CNTN6: variants seen among roughly 807,000 people sequenced by gnomAD.
CNTN6 encodes contactin-6.
A neutral mutation model predicts 122.8 loss-of-function variants in CNTN6; 137 were observed. The observed-to-expected ratio is 1.12, with a 90% CI of 0.97 to 1.29. CNTN6 has a LOEUF of 1.29. CNTN6 is among the 50% of genes most tolerant of loss of function. The pLI is 0.00. For missense variants in CNTN6, 1,634 were observed against 1,223.4 expected, an observed-to-expected ratio of 1.34 and a Z score of -5.01; for synonymous variants, 570 against 426.0, an observed-to-expected ratio of 1.34 and a Z score of -4.16.
rs570500969 is a variant in CNTN6, at chr3:1,272,413, A to T, written c.359-6000A>T. On this transcript the variant is annotated intron_variant, in intron 4 of 22. Transcript: ENST00000446702. ...GATTACAGGTGGTTCTGAGGATTCA[A>T]TGAGTGTACTTATCAGAGCATCTGA... Among the ~76,000 whole-genome samples the T allele has an allele frequency of 6.5e-4, 99 of 152,346 alleles. 1 individual carries two copies. Among genetic ancestry groups the T allele is most frequent in the African/African-American group, 2.2e-3 (92 of 41,570 alleles).
chr3:1,311,606 CAG>C (rs1163540466), intron 7 of CNTN6, among the ~76,000 whole-genome samples: 5 of 149,014 alleles, frequency 3.4e-5, no homozygotes, highest in African/African-American at 2.4e-5. Flanking sequence ...TTGAAAAAGT[CAG>C]ATATACTCAT....
chr3:1,306,550 G>A (rs1292475398), intron 7 of CNTN6, among the ~76,000 whole-genome samples: 1 of 152,150 alleles, frequency 6.6e-6, no homozygotes, highest in Non-Finnish European at 1.5e-5. Context: ...TGGACTTTAA[G>A]TTCAAATAGA....
intron 12 of CNTN6, among the ~76,000 whole-genome samples, chr3:1,367,512 T>G (rs1708406267): frequency 6.6e-6 from 1 of 151,868 alleles, no homozygotes; most frequent in East Asian, 2.0e-4. Flanking sequence ...ATTTTACCTC[T>G]CAATTTGTGT....
intron 4 of CNTN6, among the ~76,000 whole-genome samples, chr3:1,242,935 A>G (rs985521216): frequency 4.6e-5 from 7 of 152,156 alleles, no homozygotes; most frequent in African/African-American, 1.7e-4. Flanking sequence ...GCCCTTGAAA[A>G]GAAGGTAATG....
intron 5 of CNTN6, among the ~76,000 whole-genome samples, chr3:1,283,732 G>C (rs1693867544): frequency 6.6e-6 from 1 of 152,154 alleles, no homozygotes; most frequent in Admixed American, 6.6e-5. Flanking sequence ...GGGCTCAGTG[G>C]CTCACACCTG....
chr3:1,148,177 A>C (rs1303008806), intron 2 of CNTN6, 114 bp downstream of exon 2: 7 of 773,582 alleles, frequency 9.0e-6, no homozygotes, highest in Non-Finnish European at 1.5e-5. Flanking sequence ...TGAATGACTA[A>C]GTGATAATGT....
At chr3:1,157,747 C>G (rs191163736) in intron 2 of CNTN6, among the ~76,000 whole-genome samples, 1 of 151,902 alleles carries the variant, frequency 6.6e-6, no homozygotes, top group Non-Finnish European at 1.5e-5. Context: ...TAAGTGAGAA[C>G]ATGTGAAGTT....
In CNTN6 at chr3:1,198,425, A is replaced by G. The variant is rs1480783425; in HGVS notation, c.56-22262A>G. ...CAACATGTGTTACCACACAAATTGC[A>G]TTTTGAAAAAATGCTGGCCAGGCAC... is the stretch of plus-strand genomic sequence containing the variant. On this transcript the variant is annotated intron_variant, in intron 2 of 22. Coordinates refer to ENST00000446702, the MANE Select transcript of CNTN6 (RefSeq NM_001289080.2). 9.8e-4 allele frequency among the ~76,000 whole-genome samples: 149 copies of G among 152,164 alleles called. 1 individual carries two copies. The highest frequency in any genetic ancestry group is 1.5e-4 in the Non-Finnish European group (10 of 68,018).
At chr3:1,360,386 G>A (rs971391677) in intron 12 of CNTN6, among the ~76,000 whole-genome samples, 30 of 152,012 alleles carry the variant, frequency 2.0e-4, no homozygotes, top group African/African-American at 6.0e-4. Context: ...AGGCTTTGTC[G>A]CTGTAGAAAC....
chr3:1,131,995 C>G (rs1052766326), intron 1 of CNTN6, among the ~76,000 whole-genome samples: 7 of 151,966 alleles, frequency 4.6e-5, no homozygotes, highest in African/African-American at 1.7e-4. Flanking sequence ...GCCAGGACAT[C>G]AGGGAGTTTA....
intron 20 of CNTN6, among the ~76,000 whole-genome samples, chr3:1,399,576 G>C (rs986023272): frequency 6.6e-6 from 1 of 151,998 alleles, no homozygotes; most frequent in Non-Finnish European, 1.5e-5. Flanking sequence ...GTCTGACCAC[G>C]GCAATTGGTC....
At chr3:1,320,349 GATA>G (rs1299080985) in intron 7 of CNTN6, among the ~76,000 whole-genome samples, 1 of 151,598 alleles carries the variant, frequency 6.6e-6, no homozygotes, top group African/African-American at 2.4e-5. Flanking sequence ...TACATAGGAG[GATA>G]ATAATTTTTT....
At chr3:1,276,136 T>C (rs1692310393) in intron 4 of CNTN6, among the ~76,000 whole-genome samples, 1 of 152,200 alleles carries the variant, frequency 6.6e-6, no homozygotes, top group Non-Finnish European at 1.5e-5. Context: ...TAAGTAAAGA[T>C]GGGTAATCTC....
At chr3:1,332,679 T>C (rs182837180) in intron 11 of CNTN6, among the ~76,000 whole-genome samples, 2 of 152,086 alleles carry the variant, frequency 1.3e-5, no homozygotes, top group Admixed American at 6.6e-5. Flanking sequence ...GAGCCTGACT[T>C]TGGCAAAGTC....
chr3:1,311,292 C>CATATACGTATATGTACATATAAAATGTAT, intron 7 of CNTN6, among the ~76,000 whole-genome samples: 1 of 140,952 alleles, frequency 7.1e-6, no homozygotes. Flanking sequence ...TTTATATATA[C>CATATACGTATATGTACATATAAAATGTAT]ATATACGTAT....
At chr3:1,274,758 C>A (rs567699285) in intron 4 of CNTN6, among the ~76,000 whole-genome samples, 1 of 152,210 alleles carries the variant, frequency 6.6e-6, no homozygotes, top group South Asian at 2.1e-4. Flanking sequence ...TTGTATCAGT[C>A]AGAGGAAAAT....
At chr3:1,355,865 G>C (rs970994316) in intron 12 of CNTN6, among the ~76,000 whole-genome samples, 1 of 151,740 alleles carries the variant, frequency 6.6e-6, no homozygotes, top group African/African-American at 2.4e-5. Context: ...TTAGTTTTTA[G>C]CTGATATGGC....
At chr3:1,393,555 T>TAAAAAAAA (rs572632140) in intron 20 of CNTN6, among the ~76,000 whole-genome samples, 2 of 107,918 alleles carry the variant, frequency 1.9e-5, no homozygotes, top group African/African-American at 3.3e-5. Flanking sequence ...CTTAAAGAAG[T>TAAAAAAAA]AAAAAAAAAA....
intron 1 of CNTN6, among the ~76,000 whole-genome samples, chr3:1,093,581 GA>G (rs1267765587): frequency 4.6e-5 from 7 of 151,740 alleles, no homozygotes; most frequent in African/African-American, 1.5e-4. Flanking sequence ...GTTCTCACCG[GA>G]TGATTTAAAA....
Sources: allele counts gnomAD v4.1 joint callset (sites outside exome capture counted in the v4.1 genomes callset), GRCh38; gene constraint gnomAD v4.1.1; transcripts MANE v1.5; gene names NCBI Gene and HGNC (gene_info 2026-07-23, HGNC 2026-07-21).